DLG2: variants seen among roughly 807,000 people sequenced by gnomAD.
DLG2 encodes discs large MAGUK scaffold protein 2, also known as disks large homolog 2.
A neutral mutation model predicts 132.5 loss-of-function variants in DLG2; 45 were observed. That is an observed-to-expected ratio of 0.34 (90% CI 0.27 to 0.44). The LOEUF is 0.44. Ranked by LOEUF, DLG2 falls within the 20% of genes least tolerant of loss-of-function variation. The pLI, the probability that DLG2 is intolerant of heterozygous loss-of-function variation, is 1.00. For synonymous variants in DLG2, 424 were observed against 419.6 expected (o/e 1.01, Z -0.13); for missense variants, 1,045 against 1,196.9 (o/e 0.87, Z 1.87).
intron 14 of DLG2, among the ~76,000 whole-genome samples, chr11:83,960,728 G>T (rs2088458367): frequency 6.6e-6 from 1 of 151,724 alleles, no homozygotes. Flanking sequence ...CTTATAGGAA[G>T]TATTCAATTA....
intron 4 of DLG2, among the ~76,000 whole-genome samples, chr11:85,259,913 C>T (rs1175486171): frequency 1.3e-5 from 2 of 152,024 alleles, no homozygotes; most frequent in African/African-American, 2.4e-5. Context: ...CTATCTTGTA[C>T]AGGTAGGCCA....
At chr11:84,689,144 T>C (rs183159458) in intron 6 of DLG2, among the ~76,000 whole-genome samples, 3 of 152,252 alleles carry the variant, frequency 2.0e-5, no homozygotes, top group Admixed American at 6.5e-5. Flanking sequence ...AAATGAGAAA[T>C]TGGCTATACA....
intron 7 of DLG2, chr11:84,317,147 C>T: frequency 6.2e-7 from 1 of 1,608,678 alleles, no homozygotes. Context: ...TGCATTCATA[C>T]TGCACTGATG....
intron 9 of DLG2, among the ~76,000 whole-genome samples, chr11:84,114,515 T>C (rs1014383432): frequency 3.7e-4 from 57 of 152,178 alleles, no homozygotes; most frequent in African/African-American, 1.4e-3. Context: ...GATGGATCTA[T>C]CATAGTTGAA....
At chr11:85,601,914 T>C (rs923478064) in intron 2 of DLG2, among the ~76,000 whole-genome samples, 3 of 152,214 alleles carry the variant, frequency 2.0e-5, no homozygotes, top group Non-Finnish European at 4.4e-5. Flanking sequence ...GTTTCCTTGA[T>C]AATCTTATCT....
At chr11:84,996,897 T>G (rs1159973425) in intron 6 of DLG2, among the ~76,000 whole-genome samples, 2 of 152,174 alleles carry the variant, frequency 1.3e-5, no homozygotes, top group Non-Finnish European at 2.9e-5. Context: ...ACATGTTATT[T>G]ATAAAGTAGT....
At chr11:83,665,679 T>C (rs2075366528) in intron 18 of DLG2, among the ~76,000 whole-genome samples, 1 of 152,160 alleles carries the variant, frequency 6.6e-6, no homozygotes, top group Non-Finnish European at 1.5e-5. Flanking sequence ...ATTCAAACCA[T>C]TCCGTATGTT....
At chr11:83,640,610 C>T (rs1291986759) in intron 18 of DLG2, among the ~76,000 whole-genome samples, 1 of 152,112 alleles carries the variant, frequency 6.6e-6, no homozygotes, top group Non-Finnish European at 1.5e-5. Flanking sequence ...CTGGGGATAC[C>T]GAATCCACTG....
intron 6 of DLG2, among the ~76,000 whole-genome samples, chr11:84,659,987 G>A (rs575018756): frequency 6.6e-6 from 1 of 152,212 alleles, no homozygotes; most frequent in Non-Finnish European, 1.5e-5. Context: ...TTACTCTCCT[G>A]GCATTGATGT....
intron 7 of DLG2, among the ~76,000 whole-genome samples, chr11:84,321,334 C>A (rs1158918730): frequency 6.6e-6 from 1 of 152,172 alleles, no homozygotes; most frequent in Non-Finnish European, 1.5e-5. Flanking sequence ...TCTCACACAG[C>A]ACCCAGAGTA....
At chr11:83,632,234 G>A (rs1043834111) in intron 19 of DLG2, 2 of 152,086 alleles carry the variant, frequency 1.3e-5, no homozygotes, top group Non-Finnish European at 2.9e-5. Flanking sequence ...AGCCAAAGTG[G>A]AACCAACAGC....
At chr11:84,401,315 G>T (rs961868176) in intron 7 of DLG2, among the ~76,000 whole-genome samples, 2 of 152,102 alleles carry the variant, frequency 1.3e-5, no homozygotes, top group African/African-American at 4.8e-5. Flanking sequence ...GCATGGAAAA[G>T]TATTATTATA....
chr11:85,051,565 G>A (rs1316673371), intron 6 of DLG2, among the ~76,000 whole-genome samples: 2 of 152,208 alleles, frequency 1.3e-5, no homozygotes, highest in Admixed American at 1.3e-4. Flanking sequence ...TGCTAGCAGA[G>A]AAAACAGATA....
intron 6 of DLG2, among the ~76,000 whole-genome samples, chr11:84,950,482 G>A (rs1438530390): frequency 6.6e-6 from 1 of 151,952 alleles, no homozygotes; most frequent in Non-Finnish European, 1.5e-5. Context: ...AAAGTAGAAG[G>A]CTATTTTAAT....
intron 6 of DLG2, among the ~76,000 whole-genome samples, chr11:84,989,065 G>C (rs2056814900): frequency 6.6e-6 from 1 of 152,002 alleles, no homozygotes; most frequent in Non-Finnish European, 1.5e-5. Flanking sequence ...TGAACATGCA[G>C]ACACAAAAAT....
chr11:85,437,395 G>T (rs1377442305), intron 3 of DLG2, among the ~76,000 whole-genome samples: 1 of 151,866 alleles, frequency 6.6e-6, no homozygotes, highest in African/African-American at 2.4e-5. Flanking sequence ...TACATTGACT[G>T]CCAAAAAGTC....
chr11:84,896,420 C>A (rs1223015075), intron 6 of DLG2, among the ~76,000 whole-genome samples: 1 of 151,970 alleles, frequency 6.6e-6, no homozygotes, highest in Non-Finnish European at 1.5e-5. Context: ...TGTTGATATA[C>A]TCATCAACAG....
intron 7 of DLG2, among the ~76,000 whole-genome samples, chr11:84,346,766 C>T (rs377281223): frequency 9.4e-4 from 143 of 152,156 alleles, no homozygotes; most frequent in African/African-American, 3.3e-3. Context: ...TTAGCAGAGG[C>T]GGGGTTTCAC....
intron 17 of DLG2, among the ~76,000 whole-genome samples, chr11:83,809,184 G>A (rs1170010997): frequency 6.6e-6 from 1 of 152,124 alleles, no homozygotes; most frequent in East Asian, 1.9e-4. Flanking sequence ...TGCTGTGAAA[G>A]TCTCATAATT....
Sources: allele counts gnomAD v4.1 joint callset (sites outside exome capture counted in the v4.1 genomes callset), GRCh38; gene constraint gnomAD v4.1.1; transcripts MANE v1.5; gene names NCBI Gene and HGNC (gene_info 2026-07-23, HGNC 2026-07-21).